EPB41L4A: variants seen among roughly 807,000 people sequenced by gnomAD.
EPB41L4A encodes the protein band 4.1-like protein 4A.
EPB41L4A carries 100 observed loss-of-function variants against 108.6 expected under a neutral mutation model. The observed-to-expected ratio is 0.92, with a 90% confidence interval of 0.78 to 1.09. The LOEUF (loss-of-function observed/expected upper bound fraction) is 1.09. EPB41L4A is among the 50% of genes least tolerant of loss of function. The pLI is 0.00. For missense variants in EPB41L4A, 1,030 were observed against 842.7 expected (o/e 1.22, Z -2.75); for synonymous variants, 319 against 289.0 (o/e 1.10, Z -1.05).
chr5:112,245,928 C>A (rs912380327), intron 9 of EPB41L4A, among the ~76,000 whole-genome samples: 1 of 152,130 alleles, frequency 6.6e-6, no homozygotes, highest in African/African-American at 2.4e-5. Context: ...AAAGTCAAAT[C>A]GAGTTTGAAA....
chr5:112,297,508 GT>G (rs745342038), intron 2 of EPB41L4A, among the ~76,000 whole-genome samples: 2 of 152,030 alleles, frequency 1.3e-5, no homozygotes, highest in Non-Finnish European at 2.9e-5. Context: ...ATTTGTTTGA[GT>G]TCCTTGTAGA....
intron 1 of EPB41L4A, among the ~76,000 whole-genome samples, chr5:112,381,075 C>T (rs1044160174): frequency 2.0e-5 from 3 of 152,210 alleles, no homozygotes; most frequent in African/African-American, 7.2e-5. Flanking sequence ...CATCAGAGAG[C>T]GTGAGGCGGC....
chr5:112,275,192 C>T (rs1752540248), intron 4 of EPB41L4A, 134 bp downstream of exon 4: 1 of 1,119,490 alleles, frequency 8.9e-7, no homozygotes, highest in African/African-American at 1.6e-5. Flanking sequence ...TTAAATTTTA[C>T]CCTCTAAGGA....
chr5:112,361,703 T>TAAA (rs200811023), intron 1 of EPB41L4A, among the ~76,000 whole-genome samples: 11 of 140,092 alleles, frequency 7.9e-5, no homozygotes, highest in East Asian at 2.3e-4. Context: ...CCAAAAATGC[T>TAAA]AAAAAAAAAT....
At position 112,165,027 on chromosome 5, in the gene EPB41L4A, TTTA is replaced by T. The variant is rs1383667287; in HGVS notation, c.2021_2023del (p.Ile674del). On this transcript the variant is annotated inframe_deletion, in exon 23 of 23. Transcript: ENST00000261486. ...CTTGAGGCGGGAAGCTTGTATAGTT[TTTA>T]TTGTTTTTGCTGTGTGTTTTCCAGC... 1 of 1,613,994 alleles carries T rather than the reference TTTA, an allele frequency of 6.2e-7. No individual in the cohort carries two copies. The highest frequency in any genetic ancestry group is 8.5e-7 in the Non-Finnish European group (1 of 1,179,976).
chr5:112,207,680 C>T (rs1342194576), intron 13 of EPB41L4A, among the ~76,000 whole-genome samples: 1 of 152,144 alleles, frequency 6.6e-6, no homozygotes, highest in Non-Finnish European at 1.5e-5. Flanking sequence ...AAATGCTCAA[C>T]ATCATTAATC....
chr5:112,257,522 T>G lies in EPB41L4A; in HGVS notation c.795+1707A>C, dbSNP rs61475230. ...GACTGTCATTTGAAAAATAACATGA[T>G]GATATCAATTTTGTTGCTGTTGTTT... is the stretch of plus-strand genomic sequence containing the variant. On this transcript the variant is annotated intron_variant, in intron 9 of 22. Coordinates refer to ENST00000261486, the MANE Select transcript of EPB41L4A (RefSeq NM_022140.5). Among the ~76,000 whole-genome samples the G allele has an allele frequency of 0.015, 2,322 of 152,238 alleles. 232 individuals are homozygous for G. The East Asian group carries it at 0.27, about 18-fold the overall frequency.
rs3749742 is a variant in EPB41L4A, at chr5:112,419,154, C to G, written c.-115G>C. 0.22 allele frequency: 168,672 copies of G among 752,820 alleles called. 22,626 individuals are homozygous for G. Among genetic ancestry groups the G allele is most frequent in the African/African-American group, 0.55 (30,712 of 55,952 alleles). 46.6% of individuals were successfully genotyped at this position (752,820 alleles called of 1,614,324 possible). On this transcript the variant is annotated 5_prime_UTR_variant, in exon 1 of 23. Transcript: ENST00000261486. Reference sequence around the variant, plus strand: ...TGTCCGCGCCGTGGCGAGGGTGAGACGAGCAGCTCCCGGCGGGGTCCGGGG... The same window carrying G: ...TGTCCGCGCCGTGGCGAGGGTGAGAGGAGCAGCTCCCGGCGGGGTCCGGGG...
intron 17 of EPB41L4A, among the ~76,000 whole-genome samples, chr5:112,189,239 G>C (rs1350690125): frequency 6.6e-6 from 1 of 152,216 alleles, no homozygotes; most frequent in Non-Finnish European, 1.5e-5. Flanking sequence ...ATACTGAGCA[G>C]TGCTGGATGT....
intron 2 of EPB41L4A, among the ~76,000 whole-genome samples, chr5:112,300,125 C>CATTT (rs1754259222): frequency 6.6e-6 from 1 of 152,136 alleles, no homozygotes; most frequent in Non-Finnish European, 1.5e-5. Flanking sequence ...TTAAGTGGAG[C>CATTT]ATTTAGGCTA....
At chr5:112,184,594 A>G (rs1283829536) in intron 17 of EPB41L4A, among the ~76,000 whole-genome samples, 2 of 152,240 alleles carry the variant, frequency 1.3e-5, no homozygotes, top group African/African-American at 4.8e-5. Context: ...GGTGCCAAAT[A>G]TAATTCCCAT....
chr5:112,209,063 G>A (rs1580436379), intron 13 of EPB41L4A, among the ~76,000 whole-genome samples: 2 of 152,174 alleles, frequency 1.3e-5, no homozygotes, highest in African/African-American at 4.8e-5. Flanking sequence ...GAGAAATTAT[G>A]AACTATACTC....
chr5:112,295,855 T>C (rs1317259701), intron 2 of EPB41L4A, among the ~76,000 whole-genome samples: 1 of 152,232 alleles, frequency 6.6e-6, no homozygotes, highest in African/African-American at 2.4e-5. Context: ...ATTTCCATAC[T>C]CTAGCTACTG....
At chr5:112,416,181 C>A (rs562732561) in intron 1 of EPB41L4A, among the ~76,000 whole-genome samples, 114 of 152,112 alleles carry the variant, frequency 7.5e-4, no homozygotes, top group Non-Finnish European at 1.3e-3. Flanking sequence ...CACTTCAAAA[C>A]TAACTTTTCT....
intron 12 of EPB41L4A, among the ~76,000 whole-genome samples, chr5:112,157,497 C>G (rs1396523947): frequency 2.6e-5 from 4 of 152,186 alleles, no homozygotes; most frequent in Non-Finnish European, 5.9e-5. Context: ...CATTATCTCA[C>G]AGCTCTGTAG....
At chr5:112,194,472 A>C in intron 17 of EPB41L4A, 96 bp downstream of exon 17, 1 of 676,168 alleles carries the variant, frequency 1.5e-6, no homozygotes, top group Non-Finnish European at 2.4e-6. Flanking sequence ...TCAGACTCAG[A>C]TGGAAAAAAC....
rs576999707 is a variant in EPB41L4A, at chr5:112,357,495, GAT to G, written c.100-50007_100-50006del. Reference sequence around the variant, plus strand: ...ACAACCACACCTGTGGCTTCACAAAGATTTCCTTAAGACCAGGTGCCTGGAAA... The same window carrying G: ...ACAACCACACCTGTGGCTTCACAAAGTTCCTTAAGACCAGGTGCCTGGAAA... On this transcript the variant is annotated intron_variant, in intron 1 of 22. Transcript: ENST00000261486. 4.3e-3 allele frequency among the ~76,000 whole-genome samples: 659 copies of G among 152,310 alleles called. 2 individuals are homozygous for G. Among genetic ancestry groups the G allele is most frequent in the Middle Eastern group, 0.014 (4 of 294 alleles).
At chr5:112,347,343 A>G (rs139739915) in intron 1 of EPB41L4A, among the ~76,000 whole-genome samples, 1 of 152,306 alleles carries the variant, frequency 6.6e-6, no homozygotes, top group African/African-American at 2.4e-5. Flanking sequence ...AGATAAGGAA[A>G]ATGCAGTAGA....
chr5:112,142,438 G>C (rs1233744113), downstream of EPB41L4A: 1 of 152,198 alleles, frequency 6.6e-6, no homozygotes, highest in East Asian at 1.9e-4. Flanking sequence ...TGTGCTACAA[G>C]ATGAAAATAT....
Sources: allele counts gnomAD v4.1 joint callset (sites outside exome capture counted in the v4.1 genomes callset), GRCh38; gene constraint gnomAD v4.1.1; transcripts MANE v1.5; gene names NCBI Gene and HGNC (gene_info 2026-07-23, HGNC 2026-07-21).